ITPR3: variants seen among roughly 807,000 people sequenced by gnomAD.
ITPR3 encodes inositol 1,4,5-trisphosphate receptor type 3.
In ITPR3, 173 loss-of-function variants were observed where a neutral mutation model predicts 293.2. The observed-to-expected ratio is 0.59, with a 90% CI of 0.52 to 0.67. The LOEUF (loss-of-function observed/expected upper bound fraction) is 0.67, where lower values mean the gene tolerates loss of function less well. Ranked by LOEUF, ITPR3 falls within the 30% of genes least tolerant of loss-of-function variation. ITPR3 has a pLI of 0.00. For missense variants in ITPR3, 2,796 were observed against 3,592.1 expected, an observed-to-expected ratio of 0.78 and a Z score of 5.66; for synonymous variants, 1,295 against 1,444.4, an observed-to-expected ratio of 0.90 and a Z score of 2.35.
chr6:33,685,372 A>G lies in ITPR3; in HGVS notation c.5321A>G (p.Asn1774Ser). Residue 1774 changes from asparagine to serine, a missense_variant, in exon 40 of 58, where the codon AAC (asparagine) becomes AGC (serine). Around this residue, in one of 8 missense-constraint regions of ITPR3, gnomAD observed 704 missense variants for 797.5 expected, o/e 0.88. Coordinates refer to ENST00000605930, the MANE Select transcript of ITPR3 (RefSeq NM_002224.4). ...GNTEIQKSFHNLMMSDKKSER... is the reference protein window; with the variant it reads ...GNTEIQKSFHSLMMSDKKSER... ...GTCCACCTCCAGAAATCCTTCCACA[A>G]CCTGATGATGAGTGACAAGAAGTCA... 6.2e-7 allele frequency: 1 copy of G among 1,611,902 alleles called. No homozygotes were observed. The highest frequency in any genetic ancestry group is 8.5e-7 in the Non-Finnish European group (1 of 1,178,200).
Position 33,621,391 on chromosome 6 carries a change from A to G in ITPR3, c.-212A>G. The G allele has an allele frequency of 3.4e-6, 1 of 290,022 alleles. No individual in the cohort carries two copies. Among genetic ancestry groups the G allele is most frequent in the East Asian group, 5.9e-5 (1 of 16,838 alleles). 18.0% of individuals were successfully genotyped at this position (290,022 alleles called of 1,614,324 possible). A position where few individuals can be genotyped will look rare whatever the true frequency, so the allele number is the denominator to read the frequency against. ...GGGGCGGGCGGGCGGCGGGCGCGCC[A>G]AGACGTGGGCACCTCCTCACCCGGA... On this transcript the variant is annotated 5_prime_UTR_variant, in exon 1 of 58. Transcript: ENST00000605930. The surrounding 1 kb of genome is among the most constrained non-coding windows in gnomAD (Gnocchi z 7.7).
rs762904269 is a variant in ITPR3, at chr6:33,672,037, G to A, written c.2737G>A (p.Val913Met). The change falls in exon 22 of 58, where the codon GTG becomes ATG. Residue 913 changes from valine (V) to methionine (M), a missense_variant. Val to Met is a conservative substitution (Grantham distance 21). Coordinates refer to ENST00000605930, the MANE Select transcript of ITPR3 (RefSeq NM_002224.4). The surrounding 1 kb of genome is among the most constrained non-coding windows in gnomAD (Gnocchi z 5.0). ...TGCTTCCCCCTCCACAGGCAAGAATGTGCGGCGGTCCATCCAGGGCGTGGG... is the reference window on the plus strand; with the variant it reads ...TGCTTCCCCCTCCACAGGCAAGAATATGCGGCGGTCCATCCAGGGCGTGGG... ...QAYEDPGGKN[V>M]RRSIQGVGHM... The A allele has an allele frequency of 1.2e-6, 2 of 1,602,744 alleles. No individual in the cohort carries two copies. Among genetic ancestry groups the A allele is most frequent in the East Asian group, 2.2e-5 (1 of 44,730 alleles).
chr6:33,622,342 AT>A (rs1420975891), intron 1 of ITPR3, among the ~76,000 whole-genome samples: 3 of 152,086 alleles, frequency 2.0e-5, no homozygotes, highest in African/African-American at 2.4e-5. Context: ...CTTCACAAAC[AT>A]TAATTAATTC....
In ITPR3 at chr6:33,680,696, C is replaced by T; in HGVS notation, c.4476+16C>T. 1 of 1,606,142 alleles carries T rather than the reference C, an allele frequency of 6.2e-7. No individual in the cohort carries two copies. Among genetic ancestry groups the T allele is most frequent in the Non-Finnish European group, 8.5e-7 (1 of 1,173,536 alleles). The stretch of plus-strand genomic sequence containing the variant: ...TTCCCTGCAGGTGAGCTTCTCCTCT[C>T]CCACCACCCCAGGGCCGACTTGCCT... On this transcript the variant is annotated intron_variant, in intron 33 of 57. Transcript: ENST00000605930.
At position 33,687,430 on chromosome 6, in the gene ITPR3, T is replaced by C. The variant is rs1287039031; in HGVS notation, c.6178-48T>C. 7 of 1,548,034 alleles carry C rather than the reference T, an allele frequency of 4.5e-6. No individual in the cohort carries two copies. The highest frequency in any genetic ancestry group is 1.4e-5 in the African/African-American group (1 of 73,494). Reference sequence around the variant, plus strand: ...CGCCATTGTCGCCCCCCAGCCACCATGTCCCCCAGCCACCACACCCTGGTG... The same window carrying C: ...CGCCATTGTCGCCCCCCAGCCACCACGTCCCCCAGCCACCACACCCTGGTG... On this transcript the variant is annotated intron_variant, in intron 45 of 57. Coordinates refer to ENST00000605930, the MANE Select transcript of ITPR3 (RefSeq NM_002224.4). This position sits in a 1 kb window ranked among gnomAD's most constrained non-coding sequence, Gnocchi z 5.3.
chr6:33,686,446 T>C lies in ITPR3; in HGVS notation c.5906T>C (p.Ile1969Thr). The C allele has an allele frequency of 1.2e-6, 2 of 1,614,192 alleles. No homozygotes were observed. The highest frequency in any genetic ancestry group is 1.7e-6 in the Non-Finnish European group (2 of 1,180,016). ...ACTCACGAGTCCAATGGCATAGACA[T>C]CATCACCGCACTGATCCTCAATGAC... is the stretch of plus-strand genomic sequence containing the variant. ...IVTHESNGID[I>T]ITALILNDIS... Residue 1969 changes from isoleucine (I) to threonine (T), a missense_variant, in exon 43 of 58, where the codon ATC (isoleucine) becomes ACC (threonine). Physicochemically the swap from Ile to Thr is moderately conservative, Grantham distance 89. Around this residue, in one of 8 missense-constraint regions of ITPR3, gnomAD observed 704 missense variants for 797.5 expected, o/e 0.88. Coordinates refer to ENST00000605930, the MANE Select transcript of ITPR3 (RefSeq NM_002224.4).
rs1248131775 is a variant in ITPR3, at chr6:33,694,912, GAT to G, written c.7786-11_7786-10del. 1 of 1,614,102 alleles carries G rather than the reference GAT, an allele frequency of 6.2e-7. No individual in the cohort carries two copies. The highest frequency in any genetic ancestry group is 1.7e-5 in the Admixed American group (1 of 60,028). ...GCCCACGCCTGCTTAACCCACTGGTGATGTTTTTCAGAACAAGAACCTGGACT... is the reference window on the plus strand; with the variant it reads ...GCCCACGCCTGCTTAACCCACTGGTGGTTTTTCAGAACAAGAACCTGGACT... On this transcript the variant is annotated splice_polypyrimidine_tract_variant and intron_variant, in intron 56 of 57. Transcript: ENST00000605930.
In ITPR3 at chr6:33,693,048, T is replaced by C. The variant is rs117656536; in HGVS notation, c.7624+155T>C. Among the ~76,000 whole-genome samples the C allele has an allele frequency of 2.1e-4, 32 of 152,308 alleles. 1 individual carries two copies. The East Asian group carries it at 5.4e-3, about 26-fold the overall frequency. ...GCTCATCCCAGAACTGGGGAGAACA[T>C]GACCCTGCCTGAACTTGGAGTCAGA... On this transcript the variant is annotated intron_variant, in intron 55 of 57. Transcript: ENST00000605930.
chr6:33,685,363 C>G lies in ITPR3; in HGVS notation c.5312C>G (p.Ser1771Cys). 1 of 1,608,934 alleles carries G rather than the reference C, an allele frequency of 6.2e-7. No homozygotes were observed. Residue 1771 changes from serine (S) to cysteine (C), a missense_variant, in exon 40 of 58, where the codon TCC becomes TGC. This residue lies in a region of ITPR3 where 704 missense variants were observed against 797.5 expected (regional missense o/e 0.88). Transcript: ENST00000605930. ...CTGGCCACTGTCCACCTCCAGAAATCCTTCCACAACCTGATGATGAGTGAC... is the reference window on the plus strand; with the variant it reads ...CTGGCCACTGTCCACCTCCAGAAATGCTTCCACAACCTGATGATGAGTGAC... ...LDGGNTEIQK[S>C]FHNLMMSDKK...
chr6:33,679,877 C>T lies in ITPR3; in HGVS notation c.3973-5C>T, dbSNP rs374307389. ...AGTGTGACACGTGCCCCCTCCCACC[C>T]GCAGCTGACCAATGCAGGTGACGAT... On this transcript the variant is annotated splice_polypyrimidine_tract_variant and splice_region_variant and intron_variant, in intron 30 of 57. Transcript: ENST00000605930. The surrounding 1 kb of genome is among the most constrained non-coding windows in gnomAD (Gnocchi z 4.2). 53 of 1,608,578 alleles carry T rather than the reference C, an allele frequency of 3.3e-5. No individual in the cohort carries two copies. Among genetic ancestry groups the T allele is most frequent in the South Asian group, 8.8e-5 (8 of 90,864 alleles).
In ITPR3 at chr6:33,621,888, C is replaced by T. The variant is rs1262820695; in HGVS notation, c.89+197C>T. Among the ~76,000 whole-genome samples, 1 of 152,228 alleles carries T rather than the reference C, an allele frequency of 6.6e-6. No homozygotes were observed. The highest frequency in any genetic ancestry group is 6.5e-5 in the Admixed American group (1 of 15,284). On this transcript the variant is annotated intron_variant, in intron 1 of 57. Coordinates refer to ENST00000605930, the MANE Select transcript of ITPR3 (RefSeq NM_002224.4). The surrounding 1 kb of genome is among the most constrained non-coding windows in gnomAD (Gnocchi z 7.7). The stretch of plus-strand genomic sequence containing the variant: ...GCTCAGGTAGGACTCGGGCTCCCTA[C>T]TGGAGTTGGCAGGAGGAGCCTCCCT...
chr6:33,693,946 C>T (rs944518722), intron 56 of ITPR3, among the ~76,000 whole-genome samples: 8 of 152,206 alleles, frequency 5.3e-5, no homozygotes, highest in African/African-American at 1.2e-4. Flanking sequence ...GCACGGAAGC[C>T]GCTGCTGCAG....
rs1763464875 is a variant in ITPR3, at chr6:33,622,610, A to G, written c.89+919A>G. On this transcript the variant is annotated intron_variant, in intron 1 of 57. Transcript: ENST00000605930. ...TGGGTTAAATTGTCTCATCCTCCCA[A>G]CCACACATGGCTGTCCTCTAGGGTA... Among the ~76,000 whole-genome samples, 4 of 152,046 alleles carry G rather than the reference A, an allele frequency of 2.6e-5. No homozygotes were observed. The South Asian group carries it at 8.3e-4, about 32-fold the overall frequency.
rs1279266007 is a variant in ITPR3, at chr6:33,680,049, C to T, written c.4140C>T (p.Asn1380=). ...DLLAACAEGK[N]VYTEIKCTSL... ...TGGCCGCCTGTGCCGAGGGCAAAAA[C>T]GTCTACACTGAGATCAAGTGCACCT... The change falls in exon 31 of 58, where the codon AAC becomes AAT. Residue 1380 remains asparagine, a synonymous_variant. Transcript: ENST00000605930. 6.2e-6 allele frequency: 10 copies of T among 1,613,842 alleles called. No individual in the cohort carries two copies. The highest frequency in any genetic ancestry group is 3.3e-4 in the Middle Eastern group (2 of 6,062).
chr6:33,639,393 A>C (rs1763896987), intron 1 of ITPR3, among the ~76,000 whole-genome samples: 1 of 151,830 alleles, frequency 6.6e-6, no homozygotes, highest in Non-Finnish European at 1.5e-5. Context: ...AAAAAAAAAA[A>C]AACAGAAAAG....
chr6:33,666,045 G>A lies in ITPR3; in HGVS notation c.1551+69G>A. 6.6e-7 allele frequency: 1 copy of A among 1,520,582 alleles called. No homozygotes were observed. Among genetic ancestry groups the A allele is most frequent in the African/African-American group, 1.4e-5 (1 of 72,578 alleles). The allele number at this position is 1,520,582 out of a possible 1,614,324, so 94.2% of individuals were successfully genotyped here. ...GGGAGAGGGATGCCTTCAACTGCAG[G>A]CTCATCCCCCGCTTTAACAAAAATC... is the stretch of plus-strand genomic sequence containing the variant. On this transcript the variant is annotated intron_variant, in intron 14 of 57. Coordinates refer to ENST00000605930, the MANE Select transcript of ITPR3 (RefSeq NM_002224.4). This position sits in a 1 kb window ranked among gnomAD's most constrained non-coding sequence, Gnocchi z 5.1.
intron 2 of ITPR3, among the ~76,000 whole-genome samples, chr6:33,644,691 T>G (rs1278422865): frequency 1.4e-5 from 2 of 138,592 alleles, no homozygotes; most frequent in East Asian, 4.2e-4. Context: ...TGAGACAGAG[T>G]CTCGCTCTGT....
At chr6:33,626,762 C>T (rs932756439) in intron 1 of ITPR3, among the ~76,000 whole-genome samples, 2 of 152,180 alleles carry the variant, frequency 1.3e-5, no homozygotes, top group Non-Finnish European at 2.9e-5. Flanking sequence ...GCCTTTCCCT[C>T]GCTGATAGCA....
chr6:33,683,616 A>G lies in ITPR3; in HGVS notation c.4788+219A>G, dbSNP rs1765141899. Among the ~76,000 whole-genome samples the G allele has an allele frequency of 6.6e-6, 1 of 152,172 alleles. No individual in the cohort carries two copies. Among genetic ancestry groups the G allele is most frequent in the Non-Finnish European group, 1.5e-5 (1 of 68,008 alleles). On this transcript the variant is annotated intron_variant, in intron 35 of 57. Coordinates refer to ENST00000605930, the MANE Select transcript of ITPR3 (RefSeq NM_002224.4). This position sits in a 1 kb window ranked among gnomAD's most constrained non-coding sequence, Gnocchi z 4.5. Reference sequence around the variant, plus strand: ...CTTCCAGAGGAAGCCTGGAGAACCCAGAGGCCTGCTAGTGGGGTTGGAGCT... The same window carrying G: ...CTTCCAGAGGAAGCCTGGAGAACCCGGAGGCCTGCTAGTGGGGTTGGAGCT...
Sources: allele counts gnomAD v4.1 joint callset (sites outside exome capture counted in the v4.1 genomes callset), GRCh38; gene constraint gnomAD v4.1.1; regional missense constraint gnomAD v4.1.1; non-coding constraint Gnocchi (gnomAD v3.1); transcripts MANE v1.5; gene names NCBI Gene and HGNC (gene_info 2026-07-23, HGNC 2026-07-21).